Variants in ACCSL observed in about 807,000 individuals in gnomAD.
ACCSL encodes 1-aminocyclopropane-1-carboxylate synthase homolog (inactive) like, also known as probable inactive 1-aminocyclopropane-1-carboxylate synthase-like protein 2.
A neutral mutation model predicts 61.7 loss-of-function variants in ACCSL; 55 were observed. That is an observed-to-expected ratio of 0.89 (90% confidence interval 0.72 to 1.12). ACCSL has a LOEUF of 1.12. ACCSL is among the 50% of genes most tolerant of loss of function. The pLI, the probability that ACCSL is intolerant of heterozygous loss-of-function variation, is 0.00. For synonymous variants in ACCSL, 258 were observed against 264.3 expected, an observed-to-expected ratio of 0.98 and a Z score of 0.23; for missense variants, 632 against 698.0, an observed-to-expected ratio of 0.91 and a Z score of 1.07.
At chr11:43,967,875 T>G in the ACCSL span, among the ~76,000 whole-genome samples, 8 of 152,188 alleles carry the variant, frequency 5.3e-5, no homozygotes, top group African/African-American at 1.9e-4. Context: ...ATCATGCTAT[T>G]TTCTCTACAC....
the ACCSL span, among the ~76,000 whole-genome samples, chr11:44,013,729 C>A: frequency 7.3e-6 from 1 of 136,302 alleles, no homozygotes. Context: ...AACTCACCAC[C>A]ACCCTGCAAA....
the ACCSL span, among the ~76,000 whole-genome samples, chr11:44,002,965 C>T: frequency 6.6e-6 from 1 of 152,054 alleles, no homozygotes; most frequent in Non-Finnish European, 1.5e-5. Flanking sequence ...GAGAAGACAC[C>T]ATCATGCAGG....
At chr11:43,931,879 G>A in the ACCSL span, among the ~76,000 whole-genome samples, 7 of 152,336 alleles carry the variant, frequency 4.6e-5, no homozygotes, top group Admixed American at 4.6e-4. Context: ...GGGTGCACCA[G>A]GAGTAATCCC....
chr11:44,025,937 A>G, the ACCSL span, among the ~76,000 whole-genome samples: 1 of 152,322 alleles, frequency 6.6e-6, no homozygotes, highest in Non-Finnish European at 1.5e-5. Flanking sequence ...GCTCTTGTAC[A>G]TGAGTAACTT....
the ACCSL span, among the ~76,000 whole-genome samples, chr11:44,027,397 C>T: frequency 6.6e-6 from 1 of 152,140 alleles, no homozygotes; most frequent in African/African-American, 2.4e-5. Context: ...TCCAGTTCTG[C>T]TTTTGCTTTT....
the ACCSL span, among the ~76,000 whole-genome samples, chr11:43,988,048 A>C: frequency 6.6e-6 from 1 of 152,052 alleles, no homozygotes; most frequent in Non-Finnish European, 1.5e-5. Flanking sequence ...AGGAAGGATG[A>C]ATGTCCCTGA....
chr11:43,934,707 C>T, the ACCSL span, among the ~76,000 whole-genome samples: 3 of 152,134 alleles, frequency 2.0e-5, no homozygotes, highest in South Asian at 6.2e-4. Context: ...TGGGAAGGGG[C>T]CTGACCTTCC....
intron 8 of ACCSL, among the ~76,000 whole-genome samples, chr11:44,054,748 C>T (rs1952660977): frequency 6.6e-6 from 1 of 152,112 alleles, no homozygotes; most frequent in African/African-American, 2.4e-5. Context: ...AACCACCATG[C>T]CCGGCCCGCC....
upstream of ACCSL, among the ~76,000 whole-genome samples, chr11:44,045,576 C>G (rs1231875230): frequency 6.6e-6 from 1 of 152,132 alleles, no homozygotes; most frequent in Non-Finnish European, 1.5e-5. Flanking sequence ...CTACTTTAAA[C>G]AAGTTTCCTC....
At chr11:43,965,126 A>G in the ACCSL span, among the ~76,000 whole-genome samples, 1 of 152,226 alleles carries the variant, frequency 6.6e-6, no homozygotes, top group Non-Finnish European at 1.5e-5. Context: ...AAAGCATCCA[A>G]ATTGGAAAGG....
the ACCSL span, among the ~76,000 whole-genome samples, chr11:43,951,990 C>T: frequency 6.6e-6 from 1 of 150,892 alleles, no homozygotes; most frequent in Non-Finnish European, 1.5e-5. Flanking sequence ...AACAGGGTAA[C>T]AGTCAGCTTC....
the ACCSL span, among the ~76,000 whole-genome samples, chr11:44,034,465 A>T: frequency 6.6e-6 from 1 of 152,218 alleles, no homozygotes; most frequent in African/African-American, 2.4e-5. Context: ...ATTTATAAAG[A>T]AAAAGAGTTT....
chr11:44,049,419 CAAAAAAAAAA>C (rs33944147), intron 1 of ACCSL, among the ~76,000 whole-genome samples: 8 of 33,916 alleles, frequency 2.4e-4, no homozygotes, highest in Admixed American at 8.4e-4. Flanking sequence ...GACCCTGTCT[CAAAAAAAAAA>C]AAAAAAAAAA....
chr11:44,001,754 G>A, the ACCSL span, among the ~76,000 whole-genome samples: 1 of 151,044 alleles, frequency 6.6e-6, no homozygotes, highest in Non-Finnish European at 1.5e-5. Context: ...TGGGAGCAGG[G>A]GGGAAGTGGA....
At position 44,059,936 on chromosome 11, in the gene ACCSL, A is replaced by G. The variant is rs772798494; in HGVS notation, c.*16A>G. Reference sequence around the variant, plus strand: ...GAGGGAGTAGGCCGTCTGCCTCCCAACCAGCAGTTCCAGCCCATCACTTGC... The same window carrying G: ...GAGGGAGTAGGCCGTCTGCCTCCCAGCCAGCAGTTCCAGCCCATCACTTGC... On this transcript the variant is annotated 3_prime_UTR_variant, in exon 14 of 14. Coordinates refer to ENST00000378832, the MANE Select transcript of ACCSL (RefSeq NM_001031854.2). 7.4e-6 allele frequency: 12 copies of G among 1,611,690 alleles called. No individual in the cohort carries two copies. The Admixed American group carries it at 1.8e-4, about 25-fold the overall frequency.
the ACCSL span, among the ~76,000 whole-genome samples, chr11:43,955,961 A>C: frequency 6.6e-6 from 1 of 151,886 alleles, no homozygotes; most frequent in Non-Finnish European, 1.5e-5. Context: ...GTAAAAGAAA[A>C]ACTTCAGCTG....
chr11:44,001,349 T>G, the ACCSL span, among the ~76,000 whole-genome samples: 1 of 151,520 alleles, frequency 6.6e-6, no homozygotes, highest in Admixed American at 6.6e-5. Context: ...CGGGGGTGGC[T>G]TGTTTCCAGG....
the ACCSL span, among the ~76,000 whole-genome samples, chr11:44,031,604 G>T: frequency 2.6e-5 from 4 of 152,256 alleles, 1 homozygote; most frequent in South Asian, 8.3e-4. Context: ...AGGGCCTTCA[G>T]ACTGTGTGAC....
At chr11:43,990,741 A>G in the ACCSL span, among the ~76,000 whole-genome samples, 30 of 152,270 alleles carry the variant, frequency 2.0e-4, 1 homozygote, top group Middle Eastern at 3.4e-3. Context: ...TGCACTGCAG[A>G]ATGCTTCTCA....
Sources: gnomAD v4.1 joint callset for allele counts (sites outside exome capture counted in the v4.1 genomes callset) on GRCh38, gnomAD v4.1.1 for gene constraint, MANE v1.5 for transcripts, NCBI Gene and HGNC (gene_info 2026-07-23, HGNC 2026-07-21) for gene names.